Variants in EML1 observed in about 807,000 individuals in gnomAD.
EML1 encodes the protein EMAP like 1, also known as echinoderm microtubule-associated protein-like 1.
A neutral mutation model predicts 110.4 loss-of-function variants in EML1; 27 were observed. That is an observed-to-expected ratio of 0.24 (90% CI 0.18 to 0.34). The LOEUF (loss-of-function observed/expected upper bound fraction) is 0.34, where lower values mean the gene tolerates loss of function less well. Among genes scored for constraint, EML1 ranks in the 10% least tolerant of loss-of-function variants. The pLI is 1.00. For synonymous variants in EML1, 344 were observed against 385.8 expected (o/e 0.89, Z 1.27); for missense variants, 741 against 1,030.9 (o/e 0.72, Z 3.85).
intron 1 of EML1, among the ~76,000 whole-genome samples, chr14:99,746,131 C>G (rs117120461): frequency 0.012 from 1,891 of 152,346 alleles, 22 homozygotes; most frequent in Non-Finnish European, 0.02. Flanking sequence ...TGTTATCATT[C>G]CATTTTATAG....
At chr14:99,810,552 C>T (rs932441716) in intron 1 of EML1, among the ~76,000 whole-genome samples, 6 of 152,180 alleles carry the variant, frequency 3.9e-5, no homozygotes, top group African/African-American at 7.2e-5. Context: ...TCCTGTTCTG[C>T]GGCTTTCATA....
At chr14:99,914,851 A>T (rs2060007271) in intron 15 of EML1, 154 bp downstream of exon 15, 1 of 997,296 alleles carries the variant, frequency 1.0e-6, no homozygotes. Flanking sequence ...AATTGCATTT[A>T]ACAGTGTTAC....
chr14:99,865,225 A>G (rs2059075224), intron 2 of EML1, among the ~76,000 whole-genome samples: 1 of 152,204 alleles, frequency 6.6e-6, no homozygotes, highest in Admixed American at 6.5e-5. Flanking sequence ...ATCATCAGGC[A>G]TTAGATTCTC....
intron 2 of EML1, among the ~76,000 whole-genome samples, chr14:99,852,007 C>T (rs1023974217): frequency 6.6e-6 from 1 of 152,164 alleles, no homozygotes; most frequent in Non-Finnish European, 1.5e-5. Context: ...AAATTTAAGT[C>T]ATCATTTCAT....
chr14:99,741,398 T>A lies in EML1; in HGVS notation c.28+3538T>A, dbSNP rs115320355. Among the ~76,000 whole-genome samples the A allele has an allele frequency of 8.4e-3, 1,283 of 152,170 alleles. 14 individuals are homozygous for A. Among genetic ancestry groups the A allele is most frequent in the African/African-American group, 0.029 (1,223 of 41,526 alleles). ...CCCCCGTCTTTATCACCTCCCCCAATGCCCTGCAGCTTCTGATTCTCACCA... is the reference window on the plus strand; with the variant it reads ...CCCCCGTCTTTATCACCTCCCCCAAAGCCCTGCAGCTTCTGATTCTCACCA... On this transcript the variant is annotated intron_variant, in intron 1 of 10. Coordinates refer to the EML1 transcript ENST00000554479.
intron 4 of EML1, 23 bp from the exon 5 acceptor site, chr14:99,891,176 C>G (rs1360646635): frequency 6.2e-7 from 1 of 1,614,102 alleles, no homozygotes; most frequent in Non-Finnish European, 8.5e-7. Flanking sequence ...CCTTTAAAAA[C>G]TGTTTTTCGT....
intron 4 of EML1, among the ~76,000 whole-genome samples, chr14:99,878,834 CTG>C (rs1384088280): frequency 2.4e-5 from 2 of 82,796 alleles, no homozygotes; most frequent in African/African-American, 7.2e-5. Context: ...GGTGGAAAAA[CTG>C]TCACTCAGAT....
At chr14:99,750,904 A>C (rs559189732) in intron 1 of EML1, among the ~76,000 whole-genome samples, 1 of 152,182 alleles carries the variant, frequency 6.6e-6, no homozygotes, top group South Asian at 2.1e-4. Context: ...CCCTGCTCAG[A>C]AGCCAGAGCC....
rs554101746 is a variant in EML1 at position 99,818,706 on chromosome 14, G to C, written c.67+25163G>C. 4.6e-5 allele frequency among the ~76,000 whole-genome samples: 7 copies of C among 152,238 alleles called. No homozygotes were observed. The East Asian group carries it at 9.7e-4, about 21-fold the overall frequency. ...CTGAGGAGTCATCAGTGTAGGTCGTGGTTGAGGGCCCCCTTGTTGATGAGA... is the reference window on the plus strand; with the variant it reads ...CTGAGGAGTCATCAGTGTAGGTCGTCGTTGAGGGCCCCCTTGTTGATGAGA... On this transcript the variant is annotated intron_variant, in intron 1 of 21. Coordinates refer to ENST00000262233, the MANE Select transcript of EML1 (RefSeq NM_004434.3).
chr14:99,817,056 G>C (rs149641595), intron 1 of EML1, among the ~76,000 whole-genome samples: 543 of 152,304 alleles, frequency 3.6e-3, no homozygotes, highest in Non-Finnish European at 5.6e-3. Flanking sequence ...TTGGGGAGCT[G>C]TCAGGCTTAC....
chr14:99,838,979 T>A (rs151267525), intron 1 of EML1: 2 of 151,918 alleles, frequency 1.3e-5, no homozygotes, highest in East Asian at 3.9e-4. Context: ...TCCAAAGATT[T>A]CAAAGTCTCC....
intron 4 of EML1, among the ~76,000 whole-genome samples, chr14:99,890,435 G>A (rs2059567279): frequency 6.6e-6 from 1 of 152,196 alleles, no homozygotes; most frequent in Non-Finnish European, 1.5e-5. Context: ...GGTGCCCCTG[G>A]CAGAAAGTAG....
In EML1 at chr14:99,936,402, C is replaced by A; in HGVS notation, c.2095+68C>A. The stretch of plus-strand genomic sequence containing the variant: ...AGCGTTCACTCTGAGATCCAGGGGG[C>A]CTCTGTGAGAACCCACCTCCTGTAT... On this transcript the variant is annotated intron_variant, in intron 19 of 21. Transcript: ENST00000262233. This position sits in a 1 kb window ranked among gnomAD's most constrained non-coding sequence, Gnocchi z 5.5. 1.4e-6 allele frequency: 2 copies of A among 1,448,166 alleles called. No individual in the cohort carries two copies. The highest frequency in any genetic ancestry group is 1.8e-5 in the Admixed American group (1 of 56,368). 89.7% of individuals were successfully genotyped at this position (1,448,166 alleles called of 1,614,324 possible).
At chr14:99,737,925 G>T in intron 1 of EML1, 4 of 1,277,974 alleles carry the variant, frequency 3.1e-6, no homozygotes, top group Admixed American at 4.7e-5. Context: ...GCCAGTCGCC[G>T]AGGGCACTGG....
At chr14:99,928,189 T>A (rs796193429) in intron 17 of EML1, among the ~76,000 whole-genome samples, 1 of 89,438 alleles carries the variant, frequency 1.1e-5, no homozygotes, top group Non-Finnish European at 2.2e-5. Flanking sequence ...GTGGTGGTGG[T>A]GGTGGTGGTG....
At chr14:99,800,238 CT>C (rs1383254039) in intron 1 of EML1, among the ~76,000 whole-genome samples, 1 of 152,162 alleles carries the variant, frequency 6.6e-6, no homozygotes, top group Non-Finnish European at 1.5e-5. Context: ...TGGCCCAGGA[CT>C]GGGGGTGTGC....
At chr14:99,804,920 CT>C (rs1273322152) in intron 1 of EML1, among the ~76,000 whole-genome samples, 1 of 152,198 alleles carries the variant, frequency 6.6e-6, no homozygotes, top group African/African-American at 2.4e-5. Flanking sequence ...TTCCCTGACC[CT>C]TTCCTCCCAG....
upstream of EML1, chr14:99,793,383 G>C: frequency 1.0e-6 from 1 of 996,328 alleles, no homozygotes; most frequent in African/African-American, 1.8e-5. Flanking sequence ...CGGCCCCAGC[G>C]CCAGCGCCGG....
chr14:99,865,874 T>G (rs1007958087), intron 3 of EML1, among the ~76,000 whole-genome samples: 1 of 152,232 alleles, frequency 6.6e-6, no homozygotes, highest in Non-Finnish European at 1.5e-5. Context: ...AAAACCACAG[T>G]GTGGTGTTTT....
Sources: allele counts gnomAD v4.1 joint callset (sites outside exome capture counted in the v4.1 genomes callset), GRCh38; gene constraint gnomAD v4.1.1; non-coding constraint Gnocchi (gnomAD v3.1); transcripts MANE v1.5; gene names NCBI Gene and HGNC (gene_info 2026-07-23, HGNC 2026-07-21).